The following CRKL variants were observed in gnomAD, a reference collection of about 807,000 sequenced individuals.
CRKL encodes the protein CRK like proto-oncogene, adaptor protein, also known as crk-like protein.
A neutral mutation model predicts 23.0 loss-of-function variants in CRKL; 3 were observed. The ratio of observed to expected loss-of-function variants is 0.13; its 90% CI spans 0.06 to 0.34. The LOEUF (loss-of-function observed/expected upper bound fraction) is 0.34. Among genes scored for constraint, CRKL ranks in the 10% least tolerant of loss-of-function variants. The probability of loss-of-function intolerance (pLI) is 1.00; values close to 1 mark genes in which losing one functional copy is unlikely to be tolerated. For missense variants in CRKL, 256 were observed against 394.5 expected (o/e 0.65, Z 2.97); for synonymous variants, 188 against 160.7 (o/e 1.17, Z -1.28).
intron 2 of CRKL, among the ~76,000 whole-genome samples, chr22:20,948,900 C>T (rs191269515): frequency 6.6e-6 from 1 of 152,306 alleles, no homozygotes; most frequent in African/African-American, 2.4e-5. Flanking sequence ...GTACACAATA[C>T]AGAACCTTAG....
intron 2 of CRKL, among the ~76,000 whole-genome samples, chr22:20,941,583 TATATA>T (rs1921881627): frequency 1.5e-5 from 1 of 68,324 alleles, no homozygotes; most frequent in African/African-American, 5.2e-5. Flanking sequence ...TGTGTGTATA[TATATA>T]TTTTTTTTTT....
chr22:20,941,588 A>ATATTTTTTTTTT (rs1247116681), intron 2 of CRKL, among the ~76,000 whole-genome samples: 1 of 33,540 alleles, frequency 3.0e-5, no homozygotes, highest in Non-Finnish European at 5.0e-5. Context: ...GTATATATAT[A>ATATTTTTTTTTT]TTTTTTTTTT....
At position 20,917,435 on chromosome 22, in the gene CRKL, A is replaced by C. The variant is rs1338025715; in HGVS notation, c.-500A>C. The stretch of plus-strand genomic sequence containing the variant: ...GACGGAGCGCGCTGAGCGGAGGGGG[A>C]GGTGGCTGCCGCTTCTCCCGCGTCC... On this transcript the variant is annotated 5_prime_UTR_variant, in exon 1 of 3. Transcript: ENST00000354336. 2 of 223,000 alleles carry C rather than the reference A, an allele frequency of 9.0e-6. No homozygotes were observed. Among genetic ancestry groups the C allele is most frequent in the South Asian group, 1.8e-4 (1 of 5,570 alleles). The allele number at this position is 223,000 out of a possible 1,614,324, so 13.8% of individuals were successfully genotyped here.
chr22:20,932,462 G>C (rs745666942), intron 1 of CRKL, among the ~76,000 whole-genome samples: 4 of 152,002 alleles, frequency 2.6e-5, no homozygotes, highest in African/African-American at 4.8e-5. Context: ...CAAGAGGCCA[G>C]AGGCAGAGGC....
chr22:20,930,925 G>C (rs559794383), intron 1 of CRKL, among the ~76,000 whole-genome samples: 3 of 140,534 alleles, frequency 2.1e-5, no homozygotes, highest in Non-Finnish European at 4.6e-5. Context: ...CTTGTGATCC[G>C]TCCACCTCAG....
chr22:20,921,910 A>G (rs887959551), intron 1 of CRKL, among the ~76,000 whole-genome samples: 1 of 149,080 alleles, frequency 6.7e-6, no homozygotes, highest in Non-Finnish European at 1.5e-5. Flanking sequence ...GGGTTTCACC[A>G]TGTTAGCCAG....
At chr22:20,929,367 G>A (rs371431886) in intron 1 of CRKL, among the ~76,000 whole-genome samples, 22 of 151,878 alleles carry the variant, frequency 1.4e-4, no homozygotes, top group African/African-American at 5.3e-4. Flanking sequence ...GGGTTTCACT[G>A]TGTTAGCCAG....
At chr22:20,919,833 T>C (rs1385517717) in intron 1 of CRKL, among the ~76,000 whole-genome samples, 1 of 151,300 alleles carries the variant, frequency 6.6e-6, no homozygotes, top group Non-Finnish European at 1.5e-5. Context: ...CATAGTGGGA[T>C]AGAGATAGAA....
intron 2 of CRKL, 33 bp downstream of exon 2, chr22:20,934,277 T>G: frequency 6.5e-7 from 1 of 1,549,742 alleles, no homozygotes; most frequent in Non-Finnish European, 8.8e-7. Context: ...TTTTGGGTCC[T>G]TTGACATTTG....
At chr22:20,929,309 C>T (rs1268964730) in intron 1 of CRKL, among the ~76,000 whole-genome samples, 3 of 151,370 alleles carry the variant, frequency 2.0e-5, no homozygotes, top group Non-Finnish European at 2.9e-5. Context: ...GGACTACAGG[C>T]GCCTGCCACC....
In CRKL at chr22:20,917,818, C is replaced by T. The variant is rs1929745581; in HGVS notation, c.-117C>T. ...GTGCTGGCCCAGCCCTCTGAGCGCT[C>T]CTCGAGGTGTGCGAGAGGCCCTTCC... is the stretch of plus-strand genomic sequence containing the variant. On this transcript the variant is annotated 5_prime_UTR_variant, in exon 1 of 3. Transcript: ENST00000354336. 2.0e-6 allele frequency: 2 copies of T among 1,004,354 alleles called. No individual in the cohort carries two copies. Among genetic ancestry groups the T allele is most frequent in the Non-Finnish European group, 2.9e-6 (2 of 696,140 alleles). The allele number at this position is 1,004,354 out of a possible 1,614,324, so 62.2% of individuals were successfully genotyped here.
chr22:20,935,122 A>AT (rs1174003350), intron 2 of CRKL, among the ~76,000 whole-genome samples: 2 of 149,402 alleles, frequency 1.3e-5, no homozygotes, highest in African/African-American at 2.5e-5. Context: ...CCCAGGAATG[A>AT]TTTTTTTTGA....
At chr22:20,923,222 A>G (rs1158778243) in intron 1 of CRKL, among the ~76,000 whole-genome samples, 1 of 152,126 alleles carries the variant, frequency 6.6e-6, no homozygotes, top group Non-Finnish European at 1.5e-5. Flanking sequence ...TATGGAACCA[A>G]CATTGAATCA....
chr22:20,935,018 A>T (rs1378205973), intron 2 of CRKL, among the ~76,000 whole-genome samples: 2 of 151,840 alleles, frequency 1.3e-5, no homozygotes, highest in African/African-American at 2.4e-5. Flanking sequence ...GTTTCACCGT[A>T]TTAGCCAGGA....
intron 1 of CRKL, among the ~76,000 whole-genome samples, chr22:20,921,960 G>C (rs988021925): frequency 6.7e-6 from 1 of 149,458 alleles, no homozygotes; most frequent in Non-Finnish European, 1.5e-5. Context: ...CGCCCGCCTC[G>C]GCCTCCCAAA....
chr22:20,923,641 C>A (rs1921076323), intron 1 of CRKL, among the ~76,000 whole-genome samples: 1 of 139,684 alleles, frequency 7.2e-6, no homozygotes, highest in Admixed American at 7.9e-5. Flanking sequence ...GTGGTGCAAT[C>A]TTGGCTCACT....
intron 1 of CRKL, among the ~76,000 whole-genome samples, chr22:20,930,138 A>G (rs2147901319): frequency 6.6e-6 from 1 of 152,260 alleles, no homozygotes; most frequent in East Asian, 1.9e-4. Context: ...GGGAAATAGA[A>G]ACTATCTTTA....
intron 2 of CRKL, among the ~76,000 whole-genome samples, chr22:20,945,076 C>T (rs1171913243): frequency 2.0e-5 from 3 of 151,806 alleles, no homozygotes; most frequent in South Asian, 2.1e-4. Flanking sequence ...TCACTGCAAG[C>T]GCCACCTCCC....
intron 1 of CRKL, among the ~76,000 whole-genome samples, chr22:20,933,510 T>TA (rs1023587927): frequency 1.3e-5 from 2 of 150,836 alleles, no homozygotes; most frequent in Non-Finnish European, 2.9e-5. Flanking sequence ...CTACTAAAAA[T>TA]AAAAAAAGTT....
Sources: gnomAD v4.1 joint callset for allele counts (sites outside exome capture counted in the v4.1 genomes callset) on GRCh38, gnomAD v4.1.1 for gene constraint, MANE v1.5 for transcripts, NCBI Gene and HGNC (gene_info 2026-07-23, HGNC 2026-07-21) for gene names.